ARID3A: variants seen among roughly 807,000 people sequenced by gnomAD.
The protein encoded by ARID3A is AT-rich interactive domain-containing protein 3A.
Under a neutral mutation model 52.7 loss-of-function variants are expected in ARID3A, and 11 were observed. The observed-to-expected ratio is 0.21, with a 90% confidence interval of 0.13 to 0.35. ARID3A has a LOEUF of 0.35. Among genes scored for constraint, ARID3A ranks in the 10% least tolerant of loss-of-function variants. The pLI is 1.00. For synonymous variants in ARID3A, 404 were observed against 359.4 expected, an observed-to-expected ratio of 1.12 and a Z score of -1.40; for missense variants, 721 against 838.5, an observed-to-expected ratio of 0.86 and a Z score of 1.73.
chr19:929,684 C>G lies in ARID3A; in HGVS notation c.156C>G (p.Ala52=). 1.9e-6 allele frequency: 3 copies of G among 1,559,720 alleles called. No homozygotes were observed. Among genetic ancestry groups the G allele is most frequent in the African/African-American group, 1.3e-5 (1 of 74,358 alleles). The part of the protein sequence containing the change: ...APDEDREPES[A]RMQRAQMAAL... ...ACGAGGACAGAGAGCCCGAGAGTGC[C>G]CGGATGCAGCGGGCTCAGATGGCCG... The change falls in exon 2 of 9, where the codon GCC becomes GCG. Residue 52 remains alanine, a synonymous_variant. Transcript: ENST00000263620. The surrounding 1 kb of genome is among the most constrained non-coding windows in gnomAD (Gnocchi z 6.2).
chr19:967,106 C>T (rs1011733803), intron 7 of ARID3A, among the ~76,000 whole-genome samples: 5 of 151,780 alleles, frequency 3.3e-5, no homozygotes, highest in African/African-American at 9.7e-5. Context: ...AAAAATACAA[C>T]AAATTAGCCG....
In ARID3A at chr19:964,126, A is replaced by T; in HGVS notation, c.767-122A>T. The T allele has an allele frequency of 1.3e-6, 1 of 761,276 alleles. No individual in the cohort carries two copies. Among genetic ancestry groups the T allele is most frequent in the South Asian group, 1.8e-5 (1 of 56,384 alleles). 47.2% of individuals were successfully genotyped at this position (761,276 alleles called of 1,614,324 possible). ...AGGGCCCTGGGCAATGTCTGGAGAC[A>T]TCTGTGGTTGTCACAGCCTGGGCGG... On this transcript the variant is annotated intron_variant, in intron 4 of 8. Coordinates refer to ENST00000263620, the MANE Select transcript of ARID3A (RefSeq NM_005224.3). This position sits in a 1 kb window ranked among gnomAD's most constrained non-coding sequence, Gnocchi z 5.7.
chr19:971,118 C>T (rs1167106642), intron 8 of ARID3A, among the ~76,000 whole-genome samples: 1 of 152,162 alleles, frequency 6.6e-6, no homozygotes, highest in Non-Finnish European at 1.5e-5. Flanking sequence ...ATTAAACACA[C>T]GTGTGTGCTC....
Position 929,525 on chromosome 19 carries a change from G to A in ARID3A, c.-4G>A, listed in dbSNP as rs1447663298. ...GTGGTGGTGGTGGCCCGGGCCGCAG[G>A]GCCATGAAACTACAGGCCGTGATGG... On this transcript the variant is annotated 5_prime_UTR_variant, in exon 2 of 9. Coordinates refer to ENST00000263620, the MANE Select transcript of ARID3A (RefSeq NM_005224.3). The surrounding 1 kb of genome is among the most constrained non-coding windows in gnomAD (Gnocchi z 6.2). 6.6e-7 allele frequency: 1 copy of A among 1,511,660 alleles called. No homozygotes were observed. The highest frequency in any genetic ancestry group is 8.8e-7 in the Non-Finnish European group (1 of 1,135,964). 93.6% of individuals were successfully genotyped at this position (1,511,660 alleles called of 1,614,324 possible). A position where few individuals can be genotyped will look rare whatever the true frequency, so the allele number is the denominator to read the frequency against.
intron 3 of ARID3A, among the ~76,000 whole-genome samples, chr19:933,302 G>A (rs1057245805): frequency 1.3e-5 from 2 of 152,178 alleles, no homozygotes; most frequent in East Asian, 3.9e-4. Flanking sequence ...CCGGCAGGGG[G>A]TCTCAGGGAC....
At position 942,211 on chromosome 19, in the gene ARID3A, C is replaced by A. The variant is rs2037571614; in HGVS notation, c.693+9469C>A. 1.3e-5 allele frequency among the ~76,000 whole-genome samples: 2 copies of A among 152,300 alleles called. No individual in the cohort carries two copies. Among genetic ancestry groups the A allele is most frequent in the African/African-American group, 4.8e-5 (2 of 41,570 alleles). On this transcript the variant is annotated intron_variant, in intron 3 of 8. Transcript: ENST00000263620. The surrounding 1 kb of genome is among the most constrained non-coding windows in gnomAD (Gnocchi z 8.1). Reference sequence around the variant, plus strand: ...ACCCCGAGGAGCTGCCGGCAGAGCCCTGTCCACTCTTGCCTCAGTTTCCCT... The same window carrying A: ...ACCCCGAGGAGCTGCCGGCAGAGCCATGTCCACTCTTGCCTCAGTTTCCCT...
At chr19:963,671 CT>C in intron 4 of ARID3A, among the ~76,000 whole-genome samples, 2 of 152,290 alleles carry the variant, frequency 1.3e-5, no homozygotes, top group South Asian at 4.1e-4. Context: ...AATCCTCCCC[CT>C]TTCCCTCCCT....
chr19:932,788 G>GCC, intron 3 of ARID3A, 46 bp downstream of exon 3: 1 of 1,544,056 alleles, frequency 6.5e-7, no homozygotes, highest in Admixed American at 2.0e-5. Flanking sequence ...CTGCTCCTGG[G>GCC]CCAGTGGGGC....
intron 8 of ARID3A, among the ~76,000 whole-genome samples, chr19:970,320 GA>G (rs962242198): frequency 2.4e-4 from 35 of 146,086 alleles, no homozygotes; most frequent in African/African-American, 5.3e-4. Context: ...CTCAGAGGAA[GA>G]AAAAAAAAAG....
chr19:960,121 G>A lies in ARID3A; in HGVS notation c.723G>A (p.Arg241=), dbSNP rs746990265. The A allele has an allele frequency of 6.2e-7, 1 of 1,613,306 alleles. No individual in the cohort carries two copies. Among genetic ancestry groups the A allele is most frequent in the Non-Finnish European group, 8.5e-7 (1 of 1,179,576 alleles). The stretch of plus-strand genomic sequence containing the variant: ...ACGAACTCGACGGGGACCCCAAGAG[G>A]AAGGAATTCCTGGATGACTTGTTCA... ...QLYELDGDPK[R]KEFLDDLFSF... is the part of the protein sequence containing the mutation. Residue 241 remains arginine, a synonymous_variant, in exon 4 of 9, where the codon AGG becomes AGA. Coordinates refer to ENST00000263620, the MANE Select transcript of ARID3A (RefSeq NM_005224.3). This position sits in a 1 kb window ranked among gnomAD's most constrained non-coding sequence, Gnocchi z 4.3.
Position 966,644 on chromosome 19 carries a change from C to T in ARID3A, c.1271C>T (p.Ala424Val). The change falls in exon 7 of 9, where the codon GCA (alanine) becomes GTA (valine). Residue 424 changes from alanine (A) to valine (V), a missense_variant. Physicochemically the swap from Ala to Val is moderately conservative, Grantham distance 64 (BLOSUM62 0). Coordinates refer to ENST00000263620, the MANE Select transcript of ARID3A (RefSeq NM_005224.3). ...TCCCTGGCGGGCCACCCTGTGGTGG[C>T]AGCCCAGGCAGCAGCTGTGCAAGCA... ...PVSLAGHPVVAAQAAAVQAAA... is the reference protein window; with the variant it reads ...PVSLAGHPVVVAQAAAVQAAA... The T allele has an allele frequency of 6.2e-7, 1 of 1,603,288 alleles. No individual in the cohort carries two copies. Among genetic ancestry groups the T allele is most frequent in the African/African-American group, 1.3e-5 (1 of 74,890 alleles).
At chr19:928,031 C>T (rs113374798) in intron 1 of ARID3A, among the ~76,000 whole-genome samples, 1 of 152,008 alleles carries the variant, frequency 6.6e-6, no homozygotes, top group African/African-American at 2.4e-5. Context: ...CAACACTGAC[C>T]TGGGTGGGGT....
In ARID3A at chr19:975,150, G is replaced by A. The variant is rs1172887957; in HGVS notation, c.*3085G>A. On this transcript the variant is annotated 3_prime_UTR_variant, in exon 9 of 9. Transcript: ENST00000263620. Reference sequence around the variant, plus strand: ...TCAGCACCCCCCCTTATGCAGACTGGGAGGGGGTCGGGCAGTCCCCTCAGC... The same window carrying A: ...TCAGCACCCCCCCTTATGCAGACTGAGAGGGGGTCGGGCAGTCCCCTCAGC... 8.6e-6 allele frequency: 2 copies of A among 231,692 alleles called. No individual in the cohort carries two copies. Among genetic ancestry groups the A allele is most frequent in the East Asian group, 1.2e-4 (2 of 16,396 alleles). 14.4% of individuals were successfully genotyped at this position (231,692 alleles called of 1,614,324 possible).
chr19:931,240 G>C (rs1302604665), intron 2 of ARID3A, among the ~76,000 whole-genome samples: 1 of 152,068 alleles, frequency 6.6e-6, no homozygotes, highest in Non-Finnish European at 1.5e-5. Flanking sequence ...ACTGCACTGA[G>C]CTGTGATCAC....
chr19:968,670 AC>A, intron 8 of ARID3A, 167 bp downstream of exon 8: 1 of 604,550 alleles, frequency 1.7e-6, no homozygotes, highest in Non-Finnish European at 3.0e-6. Flanking sequence ...TGGAGAGGAT[AC>A]CATCGTTCAC....
intron 8 of ARID3A, 158 bp downstream of exon 8, chr19:968,661 G>A: frequency 1.6e-6 from 1 of 632,108 alleles, no homozygotes; most frequent in Non-Finnish European, 2.8e-6. Context: ...CAAGACTGAT[G>A]GAGAGGATAC....
At chr19:934,582 C>T (rs945174582) in intron 3 of ARID3A, among the ~76,000 whole-genome samples, 8 of 152,182 alleles carry the variant, frequency 5.3e-5, no homozygotes, top group African/African-American at 1.9e-4. Flanking sequence ...GAGATCCTGC[C>T]GCCCCGCACC....
intron 3 of ARID3A, among the ~76,000 whole-genome samples, chr19:934,320 T>C (rs1252814634): frequency 1.3e-5 from 2 of 151,702 alleles, no homozygotes; most frequent in Non-Finnish European, 2.9e-5. Context: ...CCAAAGCCGA[T>C]GGGGGAGTTT....
chr19:940,748 C>G (rs1485669324), intron 3 of ARID3A, among the ~76,000 whole-genome samples: 1 of 152,152 alleles, frequency 6.6e-6, no homozygotes, highest in Non-Finnish European at 1.5e-5. Flanking sequence ...GGCCGCCAGC[C>G]CTGGTGCCGG....
Sources: allele counts gnomAD v4.1 joint callset (sites outside exome capture counted in the v4.1 genomes callset), GRCh38; gene constraint gnomAD v4.1.1; non-coding constraint Gnocchi (gnomAD v3.1); transcripts MANE v1.5; gene names NCBI Gene and HGNC (gene_info 2026-07-23, HGNC 2026-07-21).